The following POLD3 variants were observed in gnomAD, a reference collection of about 807,000 sequenced individuals.
POLD3 encodes DNA polymerase delta subunit 3.
POLD3 carries 19 observed loss-of-function variants against 58.2 expected under a neutral mutation model. The observed-to-expected ratio is 0.33, with a 90% CI of 0.23 to 0.48. The LOEUF (loss-of-function observed/expected upper bound fraction) is 0.48, where lower values mean the gene tolerates loss of function less well. Ranked by LOEUF, POLD3 falls within the 20% of genes least tolerant of loss-of-function variation. The pLI, the probability that POLD3 is intolerant of heterozygous loss-of-function variation, is 0.99. For synonymous variants in POLD3, 172 were observed against 193.5 expected (o/e 0.89, Z 0.92); for missense variants, 504 against 545.5 (o/e 0.92, Z 0.76).
At chr11:74,661,701 T>C (rs1334762548) in intron 4 of POLD3, among the ~76,000 whole-genome samples, 1 of 152,182 alleles carries the variant, frequency 6.6e-6, no homozygotes, top group Non-Finnish European at 1.5e-5. Context: ...TCACCTATGT[T>C]CACTCAAGGC....
intron 4 of POLD3, among the ~76,000 whole-genome samples, chr11:74,657,036 A>T (rs1020887525): frequency 7.2e-5 from 4 of 55,546 alleles, no homozygotes; most frequent in Non-Finnish European, 1.6e-4. Flanking sequence ...TTATATAATG[A>T]CCTTCCTTGT....
At chr11:74,634,496 A>T in intron 9 of POLD3, 87 bp from the exon 10 acceptor site, 1 of 751,970 alleles carries the variant, frequency 1.3e-6, no homozygotes, top group South Asian at 1.5e-5. Flanking sequence ...CCTTTGCTGG[A>T]CATGTCAATT....
Position 74,631,007 on chromosome 11 carries a change from C to T in POLD3, c.1006+1684C>T, listed in dbSNP as rs561027700. Among the ~76,000 whole-genome samples, 18 of 152,302 alleles carry T rather than the reference C, an allele frequency of 1.2e-4. No homozygotes were observed. In the East Asian group the frequency reaches 3.5e-3, roughly 29 times the overall value. On this transcript the variant is annotated intron_variant, in intron 9 of 11. Coordinates refer to ENST00000263681, the MANE Select transcript of POLD3 (RefSeq NM_006591.3). The stretch of plus-strand genomic sequence containing the variant: ...GCCTATAATAACAGATGATATAGAG[C>T]AGAAGCTCTTAGATTTTTTTCCTCT...
intron 3 of POLD3, among the ~76,000 whole-genome samples, chr11:74,610,751 C>A (rs550855738): frequency 6.6e-6 from 1 of 151,972 alleles, no homozygotes; most frequent in African/African-American, 2.4e-5. Flanking sequence ...ATAGAATTCA[C>A]ACATGTTTTC....
chr11:74,614,181 C>T (rs192219404), intron 5 of POLD3, among the ~76,000 whole-genome samples: 2 of 152,250 alleles, frequency 1.3e-5, no homozygotes, highest in African/African-American at 2.4e-5. Context: ...ATTCTGAGAG[C>T]GCTGGGGAGC....
intron 5 of POLD3, among the ~76,000 whole-genome samples, chr11:74,617,813 G>A (rs2032125712): frequency 6.6e-6 from 1 of 152,152 alleles, no homozygotes; most frequent in African/African-American, 2.4e-5. Context: ...TGACCTCCTG[G>A]ATTCAGGTGA....
At chr11:74,607,912 T>C (rs2135130493) in intron 3 of POLD3, among the ~76,000 whole-genome samples, 1 of 152,300 alleles carries the variant, frequency 6.6e-6, no homozygotes, top group Non-Finnish European at 1.5e-5. Flanking sequence ...TTTTTTTAAA[T>C]GTAAATAATT....
chr11:74,612,784 T>TA (rs1433616429), intron 4 of POLD3, 94 bp from the exon 5 acceptor site: 3 of 1,096,254 alleles, frequency 2.7e-6, no homozygotes, highest in Non-Finnish European at 3.9e-6. Context: ...CACCACAGAT[T>TA]ACAAATGCTT....
At chr11:74,639,698 G>C (rs1350320435) in intron 11 of POLD3, among the ~76,000 whole-genome samples, 1 of 152,242 alleles carries the variant, frequency 6.6e-6, no homozygotes. Context: ...ATCTGTGCCT[G>C]TGTCCTTTGG....
intron 4 of POLD3, chr11:74,652,828 A>G (rs2033084331): frequency 5.9e-5 from 10 of 170,838 alleles, no homozygotes; most frequent in Admixed American, 5.4e-4. Flanking sequence ...TTGCCCCACA[A>G]GAGGTTGTCA....
At chr11:74,653,322 T>TAACACACAG (rs1565133664) in intron 4 of POLD3, among the ~76,000 whole-genome samples, 1 of 9,650 alleles carries the variant, frequency 1.0e-4, no homozygotes, top group East Asian at 2.2e-3. Flanking sequence ...CTAAGAGAGA[T>TAACACACAG]ACACACACAC....
intron 5 of POLD3, among the ~76,000 whole-genome samples, chr11:74,616,809 C>T (rs536687175): frequency 6.6e-6 from 1 of 151,796 alleles, no homozygotes; most frequent in African/African-American, 2.4e-5. Context: ...GCCAGGTATT[C>T]TAGCAGTTAA....
chr11:74,656,914 G>C (rs2033143531), intron 4 of POLD3, among the ~76,000 whole-genome samples: 1 of 47,316 alleles, frequency 2.1e-5, no homozygotes, highest in African/African-American at 8.3e-5. Context: ...GGTTAAGTCT[G>C]ATGTTTCTTT....
At chr11:74,655,458 T>C (rs1006996738) in intron 4 of POLD3, among the ~76,000 whole-genome samples, 3 of 152,208 alleles carry the variant, frequency 2.0e-5, no homozygotes, top group Non-Finnish European at 2.9e-5. Flanking sequence ...CTATGAAATA[T>C]TCAGAGAAAC....
intron 4 of POLD3, among the ~76,000 whole-genome samples, chr11:74,659,817 A>G (rs1435247670): frequency 2.0e-5 from 3 of 152,210 alleles, no homozygotes; most frequent in Non-Finnish European, 4.4e-5. Flanking sequence ...AAGCCATTCA[A>G]CAAGTCTTGG....
intron 5 of POLD3, among the ~76,000 whole-genome samples, chr11:74,616,912 A>G (rs992226355): frequency 2.0e-5 from 3 of 152,338 alleles, no homozygotes. Flanking sequence ...GATACACTAA[A>G]GAAGGGAGAG....
intron 4 of POLD3, among the ~76,000 whole-genome samples, chr11:74,667,407 A>G (rs979457355): frequency 1.3e-5 from 2 of 152,120 alleles, no homozygotes; most frequent in African/African-American, 2.4e-5. Flanking sequence ...GCATGGTGGC[A>G]GGCGCCTGTA....
At chr11:74,668,899 G>A in exon 5 of POLD3, 1 of 719,538 alleles carries the variant, frequency 1.4e-6, no homozygotes, top group South Asian at 1.6e-5. Flanking sequence ...ACAGATTTAG[G>A]AGTCACTGAC....
In POLD3 at chr11:74,642,102, A is replaced by G. The variant is rs2032928795; in HGVS notation, c.*1336A>G. On this transcript the variant is annotated 3_prime_UTR_variant, in exon 12 of 12. Transcript: ENST00000263681. ...GTGTCTGACTGGCTTCTTTTGCCTC[A>G]AGATGGTGTATGTCGTAAGTGATGC... is the stretch of plus-strand genomic sequence containing the variant. 1.0e-6 allele frequency: 1 copy of G among 985,418 alleles called. No individual in the cohort carries two copies. The highest frequency in any genetic ancestry group is 1.2e-6 in the Non-Finnish European group (1 of 829,940). The allele number at this position is 985,418 out of a possible 1,614,324, so 61.0% of individuals were successfully genotyped here.
Sources: gnomAD v4.1 joint callset for allele counts (sites outside exome capture counted in the v4.1 genomes callset) on GRCh38, gnomAD v4.1.1 for gene constraint, MANE v1.5 for transcripts, NCBI Gene and HGNC (gene_info 2026-07-23, HGNC 2026-07-21) for gene names.